MOBP: variants seen among roughly 807,000 people sequenced by gnomAD.
MOBP encodes the protein myelin-associated oligodendrocyte basic protein.
MOBP carries 5 observed loss-of-function variants against 15.0 expected under a neutral mutation model. That is an observed-to-expected ratio of 0.33 (90% CI 0.17 to 0.70). The LOEUF (loss-of-function observed/expected upper bound fraction) is 0.70. Ranked by LOEUF, MOBP falls within the 30% of genes least tolerant of loss-of-function variation. MOBP has a pLI of 0.67. For synonymous variants in MOBP, 88 were observed against 99.0 expected, an observed-to-expected ratio of 0.89 and a Z score of 0.66; for missense variants, 188 against 257.8, an observed-to-expected ratio of 0.73 and a Z score of 1.85.
intron 1 of MOBP, among the ~76,000 whole-genome samples, chr3:39,469,230 A>AAGTGTGTGTG (rs2042428480): frequency 8.2e-6 from 1 of 122,118 alleles, no homozygotes; most frequent in East Asian, 2.1e-4. Context: ...ACATATATAC[A>AAGTGTGTGTG]TATGTGTGTG....
At chr3:39,495,346 A>G (rs2042862937) in intron 2 of MOBP, among the ~76,000 whole-genome samples, 1 of 152,236 alleles carries the variant, frequency 6.6e-6, no homozygotes, top group African/African-American at 2.4e-5. Flanking sequence ...ATTAAAATGA[A>G]GATTAAAAAT....
At chr3:39,500,261 G>T (rs914987741) in intron 2 of MOBP, among the ~76,000 whole-genome samples, 1 of 152,196 alleles carries the variant, frequency 6.6e-6, no homozygotes, top group Non-Finnish European at 1.5e-5. Flanking sequence ...ATTTAGCTTT[G>T]TGTCCAGTAT....
At chr3:39,484,297 G>C (rs1027983372) in intron 2 of MOBP, among the ~76,000 whole-genome samples, 2 of 152,218 alleles carry the variant, frequency 1.3e-5, no homozygotes, top group Non-Finnish European at 2.9e-5. Context: ...GCAAGAAATG[G>C]TGTGGGAGGT....
rs1214211240 is a variant in MOBP, at chr3:39,469,208, GTGTGTGTATATACATATATACATA to G, written c.-89+1476_-89+1499del. The stretch of plus-strand genomic sequence containing the variant: ...TGTGTGTGTATATACATATATACAT[GTGTGTGTATATACATATATACATA>G]TGTGTGTGTATATATACATATATGT... On this transcript the variant is annotated intron_variant, in intron 1 of 3. Coordinates refer to ENST00000684792, the MANE Select transcript of MOBP (RefSeq NM_001393704.1). 3.4e-4 allele frequency among the ~76,000 whole-genome samples: 40 copies of G among 116,544 alleles called. 6 individuals are homozygous for G. Among genetic ancestry groups the G allele is most frequent in the African/African-American group, 7.8e-4 (20 of 25,496 alleles). 76.5% of individuals were successfully genotyped at this position (116,544 alleles called of 152,430 possible). A position where few individuals can be genotyped will look rare whatever the true frequency, so the allele number is the denominator to read the frequency against.
downstream of MOBP, among the ~76,000 whole-genome samples, chr3:39,518,972 C>T (rs143333531): frequency 9.9e-5 from 15 of 152,230 alleles, no homozygotes; most frequent in African/African-American, 3.6e-4. Context: ...TCTAGGACCT[C>T]TTATGGATGG....
At chr3:39,480,879 G>A (rs1214966352) in intron 2 of MOBP, among the ~76,000 whole-genome samples, 1 of 152,212 alleles carries the variant, frequency 6.6e-6, no homozygotes, top group Admixed American at 6.5e-5. Flanking sequence ...CAAGCAAACA[G>A]TGCAAACGTC....
At chr3:39,467,992 C>T (rs958025481) in intron 1 of MOBP, among the ~76,000 whole-genome samples, 24 of 152,136 alleles carry the variant, frequency 1.6e-4, no homozygotes, top group Admixed American at 1.5e-3. Flanking sequence ...CAGAGAGAGG[C>T]TCTGAGCCCT....
rs573940733 is a variant in MOBP, at chr3:39,513,643, A to G, written c.*260A>G. On this transcript the variant is annotated 3_prime_UTR_variant, in exon 5 of 5. Transcript: ENST00000311042. Reference sequence around the variant, plus strand: ...TATCTCTGTGTGTTGTACTCCAGTCAGGGGGTTCCAGCAGCACCCGCAGGC... The same window carrying G: ...TATCTCTGTGTGTTGTACTCCAGTCGGGGGGTTCCAGCAGCACCCGCAGGC... 2.7e-4 allele frequency: 151 copies of G among 556,654 alleles called. 1 individual carries two copies. Among genetic ancestry groups the G allele is most frequent in the South Asian group, 2.5e-3 (93 of 36,940 alleles). The allele number at this position is 556,654 out of a possible 1,614,324, so 34.5% of individuals were successfully genotyped here.
At position 39,502,830 on chromosome 3, in the gene MOBP, C is replaced by T. The variant is rs2125657232; in HGVS notation, c.502C>T (p.Pro168Ser). 2.0e-6 allele frequency: 3 copies of T among 1,517,336 alleles called. No homozygotes were observed. Among genetic ancestry groups the T allele is most frequent in the Middle Eastern group, 3.4e-4 (2 of 5,904 alleles). 94.0% of individuals were successfully genotyped at this position (1,517,336 alleles called of 1,614,324 possible). The change falls in exon 4 of 4, where the codon CCA (proline) becomes TCA (serine). Residue 168 changes from proline to serine, a missense_variant. Pro to Ser is a moderately conservative substitution (Grantham distance 74). Transcript: ENST00000684792. The surrounding 1 kb of genome is among the most constrained non-coding windows in gnomAD (Gnocchi z 6.3). Reference sequence around the variant, plus strand: ...GCCGCGCAGCAGCCCCCTCAGAGGGCCAGGCGCCAGCCGTGGGGGGTCCCC... The same window carrying T: ...GCCGCGCAGCAGCCCCCTCAGAGGGTCAGGCGCCAGCCGTGGGGGGTCCCC... ...QQPRSSPLRG[P>S]GASRGGSPVK...
At chr3:39,515,816 T>C (rs374846444) in exon 5 of MOBP, 10 of 152,200 alleles carry the variant, frequency 6.6e-5, no homozygotes, top group Non-Finnish European at 1.5e-4. Context: ...CACTCTAAGT[T>C]TGGTTGTCTT....
downstream of MOBP, among the ~76,000 whole-genome samples, chr3:39,504,293 T>C (rs2043020151): frequency 6.6e-6 from 1 of 152,156 alleles, no homozygotes. Context: ...AGTTAGAAAA[T>C]GTATGAAACA....
rs1021206777 is a variant in MOBP, at chr3:39,490,853, G to A, written c.-5+10730G>A. On this transcript the variant is annotated intron_variant, in intron 2 of 3. Coordinates refer to ENST00000684792, the MANE Select transcript of MOBP (RefSeq NM_001393704.1). Reference sequence around the variant, plus strand: ...GCTGGGATTACAGGTGTGAGCCACCGTGCCTGGCCTCTTCCTTACAGTTTT... The same window carrying A: ...GCTGGGATTACAGGTGTGAGCCACCATGCCTGGCCTCTTCCTTACAGTTTT... 4.6e-5 allele frequency among the ~76,000 whole-genome samples: 7 copies of A among 152,002 alleles called. No homozygotes were observed. The South Asian group carries it at 1.2e-3, about 27-fold the overall frequency.
intron 1 of MOBP, 44 bp from the exon 2 acceptor site, chr3:39,479,996 A>G (rs2042605145): frequency 6.7e-6 from 1 of 150,186 alleles, no homozygotes; most frequent in African/African-American, 2.5e-5. Flanking sequence ...TGAGAAACCA[A>G]AACACTATAT....
intron 2 of MOBP, among the ~76,000 whole-genome samples, chr3:39,495,866 A>G (rs2042873003): frequency 6.6e-6 from 1 of 151,858 alleles, no homozygotes; most frequent in South Asian, 2.1e-4. Flanking sequence ...CTTACTTTTG[A>G]AAAAAAATGA....
chr3:39,471,897 C>T (rs968873604), intron 1 of MOBP, among the ~76,000 whole-genome samples: 2 of 152,228 alleles, frequency 1.3e-5, no homozygotes, highest in African/African-American at 2.4e-5. Flanking sequence ...CCTCTGCAAG[C>T]GCAGAGCAGA....
chr3:39,509,584 G>A lies in MOBP; in HGVS notation c.*-3799G>A, dbSNP rs116371287. Among the ~76,000 whole-genome samples the A allele has an allele frequency of 7.6e-3, 1,150 of 151,946 alleles. 7 individuals are homozygous for A. The highest frequency in any genetic ancestry group is 0.036 in the East Asian group (184 of 5,176). On this transcript the variant is annotated intron_variant, in intron 4 of 4. Transcript: ENST00000311042. ...TTGTTTTATTATTGTATTTTGAGGG[G>A]TCTAAAAATATTCTAGATACAAGAC... is the stretch of plus-strand genomic sequence containing the variant.
At chr3:39,503,231 G>A (rs1014312533), downstream of MOBP, among the ~76,000 whole-genome samples, 11 of 150,172 alleles carry the variant, frequency 7.3e-5, no homozygotes, top group African/African-American at 2.2e-4. Flanking sequence ...ATCAATATCC[G>A]TATAAGTAAA....
chr3:39,516,032 A>T (rs1186531929), downstream of MOBP: 2 of 152,160 alleles, frequency 1.3e-5, no homozygotes, highest in African/African-American at 4.8e-5. Flanking sequence ...TTTTTATAGG[A>T]ATATTTTTTC....
intron 2 of MOBP, among the ~76,000 whole-genome samples, chr3:39,481,352 T>G (rs17038922): frequency 0.046 from 6,990 of 152,300 alleles, 249 homozygotes; most frequent in African/African-American, 0.096. Context: ...AAATGGAAAC[T>G]ATTAGACGGA....
Sources: gnomAD v4.1 joint callset for allele counts (sites outside exome capture counted in the v4.1 genomes callset) on GRCh38, gnomAD v4.1.1 for gene constraint, Gnocchi (gnomAD v3.1) non-coding constraint, MANE v1.5 for transcripts, NCBI Gene and HGNC (gene_info 2026-07-23, HGNC 2026-07-21) for gene names.